Variants in NEGR1 observed in about 807,000 individuals in gnomAD.
The protein encoded by NEGR1 is neuronal growth regulator 1.
In NEGR1, 10 loss-of-function variants were observed where a neutral mutation model predicts 40.9. That is an observed-to-expected ratio of 0.24 (90% confidence interval 0.15 to 0.42). NEGR1 has a LOEUF of 0.42. Ranked by LOEUF, NEGR1 falls within the 10% of genes least tolerant of loss-of-function variation. The pLI is 1.00. For missense variants in NEGR1, 352 were observed against 438.9 expected (o/e 0.80, Z 1.77); for synonymous variants, 185 against 166.8 (o/e 1.11, Z -0.84).
At chr1:72,238,621 T>C (rs1654638262) in intron 1 of NEGR1, among the ~76,000 whole-genome samples, 1 of 151,852 alleles carries the variant, frequency 6.6e-6, no homozygotes, top group African/African-American at 2.4e-5. Flanking sequence ...AACCTGGCAC[T>C]GGAAATCTAG....
At chr1:71,778,612 CT>C (rs1185029659) in intron 2 of NEGR1, among the ~76,000 whole-genome samples, 1 of 152,044 alleles carries the variant, frequency 6.6e-6, no homozygotes, top group African/African-American at 2.4e-5. Flanking sequence ...TTATATAGTG[CT>C]TTTTTCCTTT....
At chr1:72,111,084 AT>A in intron 1 of NEGR1, among the ~76,000 whole-genome samples, 1 of 28,826 alleles carries the variant, frequency 3.5e-5, no homozygotes, top group African/African-American at 7.6e-5. Context: ...ATATATATAT[AT>A]ACACACACAC....
At chr1:72,009,255 C>T (rs781388758) in intron 1 of NEGR1, among the ~76,000 whole-genome samples, 51 of 152,002 alleles carry the variant, frequency 3.4e-4, no homozygotes, top group Non-Finnish European at 5.1e-4. Context: ...AGAGCTCAAA[C>T]GTGTGGTTCC....
rs12076108 is a variant in NEGR1 at position 71,813,474 on chromosome 1, T to C, written c.410-37177A>G. On this transcript the variant is annotated intron_variant, in intron 2 of 6. Coordinates refer to ENST00000357731, the MANE Select transcript of NEGR1 (RefSeq NM_173808.3). Reference sequence around the variant, plus strand: ...CTTTTTTCTAATTCTGTGAAGAATGTCAATGGTAGTTTAATGGAAATAGCA... The same window carrying C: ...CTTTTTTCTAATTCTGTGAAGAATGCCAATGGTAGTTTAATGGAAATAGCA... Among the ~76,000 whole-genome samples the C allele has an allele frequency of 9.5e-3, 1,451 of 152,254 alleles. 30 individuals carry two copies. Among genetic ancestry groups the C allele is most frequent in the African/African-American group, 0.033 (1,383 of 41,562 alleles).
chr1:71,432,289 T>C (rs921506859), intron 6 of NEGR1, among the ~76,000 whole-genome samples: 2 of 152,184 alleles, frequency 1.3e-5, no homozygotes, highest in African/African-American at 4.8e-5. Flanking sequence ...ATATTAGCAA[T>C]TGCTCTTTTT....
At chr1:71,694,535 GTATAGTCAATTA>G (rs1356679026) in intron 4 of NEGR1, among the ~76,000 whole-genome samples, 1 of 151,682 alleles carries the variant, frequency 6.6e-6, no homozygotes, top group African/African-American at 2.4e-5. Context: ...AGCTCTATCT[GTATAGTCAATTA>G]TATAGTCAAT....
At chr1:72,256,703 T>A (rs960869018) in intron 1 of NEGR1, among the ~76,000 whole-genome samples, 5 of 152,212 alleles carry the variant, frequency 3.3e-5, no homozygotes, top group African/African-American at 1.2e-4. Context: ...TTAGTGCTAT[T>A]TGCTGTTATC....
At chr1:72,159,716 G>A (rs1426373257) in intron 1 of NEGR1, among the ~76,000 whole-genome samples, 3 of 151,970 alleles carry the variant, frequency 2.0e-5, no homozygotes, top group South Asian at 4.1e-4. Context: ...TTGCTGCTGC[G>A]ATTATTTTCT....
intron 6 of NEGR1, among the ~76,000 whole-genome samples, chr1:71,541,565 G>C (rs1469918613): frequency 6.6e-6 from 1 of 151,782 alleles, no homozygotes; most frequent in Non-Finnish European, 1.5e-5. Context: ...AGGATGCTAC[G>C]GGACATGCGT....
chr1:71,408,887 C>G (rs1224313579), intron 6 of NEGR1: 1 of 151,864 alleles, frequency 6.6e-6, no homozygotes, highest in Non-Finnish European at 1.5e-5. Flanking sequence ...TCACAAATGA[C>G]TATATTGCTA....
At chr1:71,509,322 G>C (rs1647057771) in intron 6 of NEGR1, among the ~76,000 whole-genome samples, 1 of 152,170 alleles carries the variant, frequency 6.6e-6, no homozygotes, top group Non-Finnish European at 1.5e-5. Flanking sequence ...ACATTGCAGA[G>C]GTCAGATCCC....
chr1:71,573,921 A>G (rs932639934), intron 6 of NEGR1, among the ~76,000 whole-genome samples: 1 of 152,136 alleles, frequency 6.6e-6, no homozygotes, highest in Non-Finnish European at 1.5e-5. Context: ...TACCATTTTT[A>G]TCTCTATATA....
intron 6 of NEGR1, among the ~76,000 whole-genome samples, chr1:71,559,642 A>T (rs1648376326): frequency 6.6e-6 from 1 of 151,760 alleles, no homozygotes; most frequent in South Asian, 2.1e-4. Flanking sequence ...AAAGAAAAAC[A>T]AATTAAAATA....
intron 2 of NEGR1, among the ~76,000 whole-genome samples, chr1:71,896,228 G>T (rs1033331532): frequency 2.6e-5 from 4 of 151,712 alleles, no homozygotes; most frequent in Non-Finnish European, 5.9e-5. Context: ...AGTAGAGATG[G>T]GGTTTCACCA....
chr1:72,276,972 G>A (rs1349335260), intron 1 of NEGR1, among the ~76,000 whole-genome samples: 2 of 152,138 alleles, frequency 1.3e-5, no homozygotes, highest in Non-Finnish European at 2.9e-5. Context: ...GGAATAAAGG[G>A]ATAAAGCAGT....
intron 1 of NEGR1, among the ~76,000 whole-genome samples, chr1:71,943,186 A>G (rs933329408): frequency 6.7e-6 from 1 of 148,958 alleles, no homozygotes; most frequent in Admixed American, 6.7e-5. Context: ...GTATATTTAT[A>G]AACAAACTAT....
intron 3 of NEGR1, among the ~76,000 whole-genome samples, chr1:71,756,592 A>C (rs558887304): frequency 6.6e-6 from 1 of 152,202 alleles, no homozygotes; most frequent in East Asian, 1.9e-4. Context: ...CTCCACAGAG[A>C]ATCTTGCTCT....
At chr1:71,788,552 A>T (rs927436737) in intron 2 of NEGR1, among the ~76,000 whole-genome samples, 2 of 152,162 alleles carry the variant, frequency 1.3e-5, no homozygotes, top group Non-Finnish European at 2.9e-5. Context: ...TTAAATATAA[A>T]TCACAAAAAC....
intron 1 of NEGR1, among the ~76,000 whole-genome samples, chr1:72,215,203 C>A (rs1276027626): frequency 1.3e-5 from 2 of 152,086 alleles, no homozygotes; most frequent in Non-Finnish European, 2.9e-5. Context: ...AGACCTCATA[C>A]AAAAATTAAC....
Sources: allele counts gnomAD v4.1 joint callset (sites outside exome capture counted in the v4.1 genomes callset), GRCh38; gene constraint gnomAD v4.1.1; transcripts MANE v1.5; gene names NCBI Gene and HGNC (gene_info 2026-07-23, HGNC 2026-07-21).